The following EHD4 variants were observed in gnomAD, a reference collection of about 807,000 sequenced individuals.
The protein encoded by EHD4 is EH domain-containing protein 4.
Under a neutral mutation model 51.0 loss-of-function variants are expected in EHD4, and 37 were observed. That is an observed-to-expected ratio of 0.73 (90% CI 0.56 to 0.95). The LOEUF is 0.95. Among genes scored for constraint, EHD4 ranks in the 40% least tolerant of loss-of-function variants. The probability of loss-of-function intolerance (pLI) is 0.00; values close to 1 mark genes in which losing one functional copy is unlikely to be tolerated. For synonymous variants in EHD4, 297 were observed against 317.3 expected, an observed-to-expected ratio of 0.94 and a Z score of 0.68; for missense variants, 632 against 733.1, an observed-to-expected ratio of 0.86 and a Z score of 1.59.
At position 41,899,401 on chromosome 15, in the gene EHD4, T is replaced by C. The variant is rs1045442781; in HGVS notation, c.*1244A>G. On this transcript the variant is annotated 3_prime_UTR_variant, in exon 6 of 6. Transcript: ENST00000220325. Reference sequence around the variant, plus strand: ...GAAGTACAGGTATGTGCCCGAATCCTGCCTCGTGATGGGCATTCATGATAC... The same window carrying C: ...GAAGTACAGGTATGTGCCCGAATCCCGCCTCGTGATGGGCATTCATGATAC... 2.0e-5 allele frequency: 3 copies of C among 152,106 alleles called. No individual in the cohort carries two copies. Among genetic ancestry groups the C allele is most frequent in the Non-Finnish European group, 4.4e-5 (3 of 68,042 alleles). The allele number at this position is 152,106 out of a possible 1,614,324, so 9.4% of individuals were successfully genotyped here.
At position 41,900,555 on chromosome 15, in the gene EHD4, T is replaced by A. The variant is rs552787030; in HGVS notation, c.*90A>T. On this transcript the variant is annotated 3_prime_UTR_variant, in exon 6 of 6. Coordinates refer to ENST00000220325, the MANE Select transcript of EHD4 (RefSeq NM_139265.4). This position sits in a 1 kb window ranked among gnomAD's most constrained non-coding sequence, Gnocchi z 4.8. The stretch of plus-strand genomic sequence containing the variant: ...GGAAACCAAGGCACAGAGAGGGCAG[T>A]GCCTTGCCCAAGGTCATTCGGTGAG... The A allele has an allele frequency of 1.9e-5, 26 of 1,348,098 alleles. No homozygotes were observed. The South Asian group carries it at 3.8e-4, about 20-fold the overall frequency. 83.5% of individuals were successfully genotyped at this position (1,348,098 alleles called of 1,614,324 possible). A position where few individuals can be genotyped will look rare whatever the true frequency, so the allele number is the denominator to read the frequency against.
At position 41,896,489 on chromosome 15, in the gene EHD4, C is replaced by T. The variant is rs966472555; in HGVS notation, c.*4156G>A. The stretch of plus-strand genomic sequence containing the variant: ...CCATTCCTGAGCCAATATTTGTGAC[C>T]AAGGGGATGTGGTCAATCTCATCCA... On this transcript the variant is annotated 3_prime_UTR_variant, in exon 6 of 6. Transcript: ENST00000220325. 1.3e-5 allele frequency: 2 copies of T among 152,132 alleles called. No homozygotes were observed. Among genetic ancestry groups the T allele is most frequent in the African/African-American group, 4.8e-5 (2 of 41,436 alleles). The allele number at this position is 152,132 out of a possible 1,614,324, so 9.4% of individuals were successfully genotyped here.
intron 2 of EHD4, among the ~76,000 whole-genome samples, chr15:41,948,980 G>A (rs1478417774): frequency 2.0e-5 from 3 of 148,232 alleles, no homozygotes; most frequent in Non-Finnish European, 3.0e-5. Flanking sequence ...AGCTGTGATC[G>A]TGCCTCCGCG....
chr15:41,962,801 C>A (rs1389224842), intron 1 of EHD4, among the ~76,000 whole-genome samples: 1 of 152,114 alleles, frequency 6.6e-6, no homozygotes, highest in African/African-American at 2.4e-5. Flanking sequence ...GTGTACCCAA[C>A]AGCTCATTGA....
intron 2 of EHD4, among the ~76,000 whole-genome samples, chr15:41,950,780 GA>G (rs2067848052): frequency 6.6e-6 from 1 of 152,136 alleles, no homozygotes; most frequent in Non-Finnish European, 1.5e-5. Flanking sequence ...GGGAGAAGGG[GA>G]ACACTGGATT....
In EHD4 at chr15:41,915,085, G is replaced by GACACAC. The variant is rs10552371; in HGVS notation, c.924+4119_924+4124dup. ...TTAGTACATGTGTCTCAGTCTTGGA[G>GACACAC]ACACACACACACACACACACACACA... On this transcript the variant is annotated intron_variant, in intron 4 of 5. Transcript: ENST00000220325. Among the ~76,000 whole-genome samples, 218 of 149,668 alleles carry GACACAC rather than the reference G, an allele frequency of 1.5e-3. 5 individuals are homozygous for GACACAC. In the South Asian group the frequency reaches 0.038, roughly 26 times the overall value.
chr15:41,944,588 G>A (rs978815826), intron 2 of EHD4, among the ~76,000 whole-genome samples: 10 of 152,172 alleles, frequency 6.6e-5, no homozygotes, highest in African/African-American at 2.2e-4. Context: ...TTTCTCTGAA[G>A]GGGCTTGGGA....
At position 41,949,051 on chromosome 15, in the gene EHD4, T is replaced by TATATATATATACAC. The variant is rs1491135423; in HGVS notation, c.413+4712_413+4713insGTGTATATATATAT. ...ATATATATATATATATATATATATA[T>TATATATATATACAC]ACACACATACACACACACATACATA... On this transcript the variant is annotated intron_variant, in intron 2 of 5. Coordinates refer to ENST00000220325, the MANE Select transcript of EHD4 (RefSeq NM_139265.4). Among the ~76,000 whole-genome samples the TATATATATATACAC allele has an allele frequency of 1.6e-3, 170 of 109,348 alleles. 2 individuals carry two copies. The highest frequency in any genetic ancestry group is 5.8e-3 in the African/African-American group (158 of 27,084). 71.7% of individuals were successfully genotyped at this position (109,348 alleles called of 152,430 possible). A position where few individuals can be genotyped will look rare whatever the true frequency, so the allele number is the denominator to read the frequency against.
chr15:41,913,114 T>C (rs1402936989), intron 4 of EHD4, among the ~76,000 whole-genome samples: 1 of 152,184 alleles, frequency 6.6e-6, no homozygotes, highest in Admixed American at 6.5e-5. Flanking sequence ...GACACAATGA[T>C]GGCACACAAA....
chr15:41,933,758 A>G (rs1380082971), intron 3 of EHD4, among the ~76,000 whole-genome samples: 1 of 152,238 alleles, frequency 6.6e-6, no homozygotes, highest in Non-Finnish European at 1.5e-5. Flanking sequence ...TAAACGTTTC[A>G]AAGTGTACCT....
chr15:41,940,939 G>A (rs891837614), intron 3 of EHD4, among the ~76,000 whole-genome samples: 1 of 152,106 alleles, frequency 6.6e-6, no homozygotes, highest in Admixed American at 6.5e-5. Flanking sequence ...AAAATTTAGA[G>A]GTAAAAAGAA....
At chr15:41,925,650 TA>T (rs1210283260) in intron 3 of EHD4, among the ~76,000 whole-genome samples, 2 of 152,230 alleles carry the variant, frequency 1.3e-5, no homozygotes, top group Non-Finnish European at 2.9e-5. Flanking sequence ...AAAAGAGATG[TA>T]ATCAGTCCAG....
At position 41,948,272 on chromosome 15, in the gene EHD4, G is replaced by A. The variant is rs114635159; in HGVS notation, c.414-5108C>T. Among the ~76,000 whole-genome samples, 941 of 152,112 alleles carry A rather than the reference G, an allele frequency of 6.2e-3. 11 individuals carry two copies. The highest frequency in any genetic ancestry group is 0.022 in the African/African-American group (911 of 41,506). ...CGCCTCCAAAAAAAAAACCACGATG[G>A]TTTAGTGACCAGGGAACTACCACCC... On this transcript the variant is annotated intron_variant, in intron 2 of 5. Coordinates refer to ENST00000220325, the MANE Select transcript of EHD4 (RefSeq NM_139265.4).
rs539696675 is a variant in EHD4 at position 41,914,713 on chromosome 15, T to C, written c.924+4497A>G. On this transcript the variant is annotated intron_variant, in intron 4 of 5. Coordinates refer to ENST00000220325, the MANE Select transcript of EHD4 (RefSeq NM_139265.4). ...ATACCAGGATCTTCATGATCCATTA[T>C]ATCATGATTCTCACACGCTTTAGCC... 1.8e-4 allele frequency among the ~76,000 whole-genome samples: 28 copies of C among 152,218 alleles called. No homozygotes were observed. The South Asian group carries it at 2.5e-3, about 14-fold the overall frequency.
chr15:41,901,383 A>G lies in EHD4; in HGVS notation c.1090-202T>C, dbSNP rs1296313743. On this transcript the variant is annotated intron_variant, in intron 5 of 5. Transcript: ENST00000220325. ...GGAACAAGAAACAAGTGTTTTTCCT[A>G]TGGCAGCCAATCTCTGCTGGTGGCC... is the stretch of plus-strand genomic sequence containing the variant. 2.6e-5 allele frequency among the ~76,000 whole-genome samples: 4 copies of G among 152,222 alleles called. No individual in the cohort carries two copies. In the East Asian group the frequency reaches 7.7e-4, roughly 29 times the overall value.
chr15:41,909,634 C>T, intron 5 of EHD4, 65 bp downstream of exon 5: 1 of 1,582,468 alleles, frequency 6.3e-7, no homozygotes, highest in South Asian at 1.1e-5. Context: ...CTCCAGCAAA[C>T]AGCCAGACAA....
intron 5 of EHD4, among the ~76,000 whole-genome samples, chr15:41,902,588 T>C (rs2067484379): frequency 6.6e-6 from 1 of 151,820 alleles, no homozygotes; most frequent in East Asian, 1.9e-4. Flanking sequence ...TATAAAGTCA[T>C]TAGAAAGAAA....
At chr15:41,951,534 T>G (rs1167898123) in intron 2 of EHD4, among the ~76,000 whole-genome samples, 1 of 152,168 alleles carries the variant, frequency 6.6e-6, no homozygotes, top group East Asian at 1.9e-4. Context: ...ATAACCACTC[T>G]TCCTGGTTTC....
intron 3 of EHD4, among the ~76,000 whole-genome samples, chr15:41,932,988 C>T (rs899148970): frequency 1.3e-5 from 2 of 152,210 alleles, no homozygotes; most frequent in African/African-American, 4.8e-5. Flanking sequence ...TAATCATGAT[C>T]CATGTTAAAT....
Sources: allele counts gnomAD v4.1 joint callset (sites outside exome capture counted in the v4.1 genomes callset), GRCh38; gene constraint gnomAD v4.1.1; non-coding constraint Gnocchi (gnomAD v3.1); transcripts MANE v1.5; gene names NCBI Gene and HGNC (gene_info 2026-07-23, HGNC 2026-07-21).